Variants in ATG4C observed in about 807,000 individuals in gnomAD.
ATG4C encodes the protein autophagy related 4C cysteine peptidase.
ATG4C carries 56 observed loss-of-function variants against 57.6 expected under a neutral mutation model. The ratio of observed to expected loss-of-function variants is 0.97; its 90% CI spans 0.78 to 1.21. The LOEUF (loss-of-function observed/expected upper bound fraction) is 1.21, where lower values mean the gene tolerates loss of function less well. ATG4C is among the 50% of genes most tolerant of loss of function. ATG4C has a pLI of 0.00. For missense variants in ATG4C, 595 were observed against 529.8 expected (o/e 1.12, Z -1.21); for synonymous variants, 157 against 174.1 (o/e 0.90, Z 0.78).
chr1:62,859,796 AG>A (rs563250803), intron 10 of ATG4C, among the ~76,000 whole-genome samples: 182 of 152,192 alleles, frequency 1.2e-3, no homozygotes, highest in Non-Finnish European at 2.3e-3. Context: ...CCCAGGTTCA[AG>A]CAATTCTCTG....
rs540565429 is a variant in ATG4C, at chr1:62,814,940, G to C, written c.161-1635G>C. On this transcript the variant is annotated intron_variant, in intron 3 of 10. Transcript: ENST00000317868. ...ATTAGCCTGGCGTTGTGGTGCATGC[G>C]TGCAATCCCAGCTACTCAGGAGGCT... Among the ~76,000 whole-genome samples the C allele has an allele frequency of 3.5e-4, 53 of 152,098 alleles. 1 individual carries two copies. Among genetic ancestry groups the C allele is most frequent in the African/African-American group, 1.3e-3 (52 of 41,492 alleles).
At chr1:62,784,494 G>T (rs1348954770) in intron 1 of ATG4C, among the ~76,000 whole-genome samples, 2 of 152,114 alleles carry the variant, frequency 1.3e-5, no homozygotes, top group African/African-American at 4.8e-5. Context: ...GAGATAAACC[G>T]TAAGCCTAAC....
chr1:62,813,462 A>G (rs1665158758), intron 3 of ATG4C, among the ~76,000 whole-genome samples: 1 of 152,246 alleles, frequency 6.6e-6, no homozygotes, highest in African/African-American at 2.4e-5. Context: ...AGGTGGATTA[A>G]AGACTTAAAC....
chr1:62,852,717 C>T (rs1209444739), intron 10 of ATG4C, among the ~76,000 whole-genome samples: 2 of 150,702 alleles, frequency 1.3e-5, no homozygotes, highest in African/African-American at 4.9e-5. Flanking sequence ...ACTCCTTTCC[C>T]CTTTTTTCAT....
chr1:62,815,548 T>G (rs1428707090), intron 3 of ATG4C, among the ~76,000 whole-genome samples: 2 of 152,248 alleles, frequency 1.3e-5, no homozygotes, highest in Non-Finnish European at 2.9e-5. Flanking sequence ...TTTGGTGTTC[T>G]TCATTCCTTT....
chr1:62,827,237 T>C (rs1665691832), intron 6 of ATG4C, among the ~76,000 whole-genome samples: 1 of 152,212 alleles, frequency 6.6e-6, no homozygotes, highest in African/African-American at 2.4e-5. Flanking sequence ...AATCCCATTT[T>C]TGCTACTGTA....
intron 3 of ATG4C, among the ~76,000 whole-genome samples, chr1:62,812,791 AT>A (rs1665130561): frequency 6.6e-6 from 1 of 152,210 alleles, no homozygotes; most frequent in Non-Finnish European, 1.5e-5. Flanking sequence ...TACAAAATCA[AT>A]GTGCAAAAAT....
chr1:62,816,602 C>T lies in ATG4C; in HGVS notation c.188C>T (p.Ser63Leu), dbSNP rs771472782. Residue 63 changes from serine to leucine, a missense_variant, in exon 4 of 11, where the codon TCG (serine) becomes TTG (leucine). By Grantham distance (145) the Ser-to-Leu change is moderately radical (BLOSUM62 -2). Transcript: ENST00000317868. ...EDEDKTLPAE[S>L]GCTIEDHVIA... is the part of the protein sequence containing the mutation. Reference sequence around the variant, plus strand: ...GAAGATAAAACGTTACCTGCAGAGTCGGGATGTACAATAGAGGATCACGTA... The same window carrying T: ...GAAGATAAAACGTTACCTGCAGAGTTGGGATGTACAATAGAGGATCACGTA... 2.9e-5 allele frequency: 46 copies of T among 1,612,038 alleles called. No individual in the cohort carries two copies. Among genetic ancestry groups the T allele is most frequent in the East Asian group, 4.5e-5 (2 of 44,816 alleles).
intron 6 of ATG4C, among the ~76,000 whole-genome samples, chr1:62,825,190 C>T (rs938900884): frequency 8.8e-5 from 13 of 148,156 alleles, no homozygotes; most frequent in Middle Eastern, 7.0e-3. Flanking sequence ...GAACCAAGAT[C>T]GTGCCACTGC....
At chr1:62,792,917 T>C (rs1664328447) in intron 1 of ATG4C, among the ~76,000 whole-genome samples, 1 of 150,354 alleles carries the variant, frequency 6.7e-6, no homozygotes, top group Non-Finnish European at 1.5e-5. Context: ...AACGGAGTCC[T>C]GCTCAGTCGC....
intron 10 of ATG4C, among the ~76,000 whole-genome samples, chr1:62,842,598 T>A (rs1175486669): frequency 6.6e-6 from 1 of 152,190 alleles, no homozygotes; most frequent in African/African-American, 2.4e-5. Context: ...CAGTTAATTT[T>A]ATTCAGGAAA....
chr1:62,849,383 T>C (rs1666430798), intron 10 of ATG4C, among the ~76,000 whole-genome samples: 1 of 152,232 alleles, frequency 6.6e-6, no homozygotes, highest in African/African-American at 2.4e-5. Flanking sequence ...CTTAAAGATA[T>C]TTATTCCATT....
In ATG4C at chr1:62,795,845, AAAAG is replaced by A. The variant is rs965474362; in HGVS notation, c.-68-7871_-68-7868del. On this transcript the variant is annotated intron_variant, in intron 1 of 10. Coordinates refer to ENST00000317868, the MANE Select transcript of ATG4C (RefSeq NM_032852.4). ...GACCCCTTTTTACTTAAAAAAAAAA[AAAAG>A]AAGAGAAGATTTAATAATTTCTCAT... 4.6e-5 allele frequency among the ~76,000 whole-genome samples: 7 copies of A among 152,130 alleles called. No homozygotes were observed. The East Asian group carries it at 9.6e-4, about 21-fold the overall frequency.
At chr1:62,826,591 TTTTC>T (rs1481987963) in intron 6 of ATG4C, among the ~76,000 whole-genome samples, 5 of 142,714 alleles carry the variant, frequency 3.5e-5, no homozygotes, top group African/African-American at 5.7e-5. Flanking sequence ...TCATCTCTTT[TTTTC>T]TTTCTTTTTT....
intron 8 of ATG4C, 80 bp downstream of exon 8, chr1:62,834,196 G>C: frequency 8.9e-6 from 12 of 1,346,484 alleles, no homozygotes; most frequent in Non-Finnish European, 1.3e-5. Flanking sequence ...TCTGGAAACA[G>C]GATGATTAAC....
intron 10 of ATG4C, among the ~76,000 whole-genome samples, chr1:62,853,281 T>C (rs1244525956): frequency 1.3e-5 from 2 of 152,186 alleles, no homozygotes; most frequent in Non-Finnish European, 2.9e-5. Context: ...CATCACCTAA[T>C]TGCTGTGTAC....
At chr1:62,857,027 A>T (rs1330035343) in intron 10 of ATG4C, among the ~76,000 whole-genome samples, 2 of 152,104 alleles carry the variant, frequency 1.3e-5, no homozygotes, top group Non-Finnish European at 2.9e-5. Context: ...GTTTGCTGGC[A>T]TCCTAGGACC....
At chr1:62,822,583 T>C (rs895934856) in intron 6 of ATG4C, among the ~76,000 whole-genome samples, 5 of 152,198 alleles carry the variant, frequency 3.3e-5, no homozygotes, top group African/African-American at 1.2e-4. Flanking sequence ...GTTTGTGTAA[T>C]TTGAAGAAGT....
intron 3 of ATG4C, among the ~76,000 whole-genome samples, chr1:62,806,272 G>A (rs1355551112): frequency 6.6e-6 from 1 of 152,086 alleles, no homozygotes; most frequent in Non-Finnish European, 1.5e-5. Context: ...AGGAGACAGA[G>A]AGGTGTCCAG....
Sources: allele counts gnomAD v4.1 joint callset (sites outside exome capture counted in the v4.1 genomes callset), GRCh38; gene constraint gnomAD v4.1.1; transcripts MANE v1.5; gene names NCBI Gene and HGNC (gene_info 2026-07-23, HGNC 2026-07-21).